The following CPNE4 variants were observed in gnomAD, a reference collection of about 807,000 sequenced individuals.
CPNE4 encodes copine 4.
A neutral mutation model predicts 67.9 loss-of-function variants in CPNE4; 25 were observed. The observed-to-expected ratio is 0.37, with a 90% CI of 0.27 to 0.51. The LOEUF (loss-of-function observed/expected upper bound fraction) is 0.51. Among genes scored for constraint, CPNE4 ranks in the 20% least tolerant of loss-of-function variants. CPNE4 has a pLI of 0.93. For missense variants in CPNE4, 464 were observed against 690.8 expected (o/e 0.67, Z 3.68); for synonymous variants, 242 against 244.9 (o/e 0.99, Z 0.11).
At chr3:131,868,321 A>G (rs2087047040) in intron 2 of CPNE4, among the ~76,000 whole-genome samples, 1 of 152,184 alleles carries the variant, frequency 6.6e-6, no homozygotes, top group Non-Finnish European at 1.5e-5. Flanking sequence ...AAAGGCCCTT[A>G]AAGAGAGGCA....
intron 2 of CPNE4, among the ~76,000 whole-genome samples, chr3:131,846,390 T>G (rs1355333171): frequency 6.6e-6 from 1 of 152,208 alleles, no homozygotes; most frequent in Non-Finnish European, 1.5e-5. Flanking sequence ...ATTCCCTGCA[T>G]GTCCAACTAC....
chr3:131,728,258 CAT>C (rs2082043758), intron 2 of CPNE4, among the ~76,000 whole-genome samples: 1 of 152,120 alleles, frequency 6.6e-6, no homozygotes, highest in Non-Finnish European at 1.5e-5. Flanking sequence ...ACTCTGTTTT[CAT>C]TCTTATAACA....
intron 8 of CPNE4, among the ~76,000 whole-genome samples, chr3:131,584,602 T>C (rs1938054940): frequency 6.6e-6 from 1 of 152,086 alleles, no homozygotes; most frequent in Admixed American, 6.6e-5. Flanking sequence ...TGTCTCTCTT[T>C]AATTATCTAC....
intron 7 of CPNE4, among the ~76,000 whole-genome samples, chr3:131,646,456 G>A (rs2079666814): frequency 6.6e-6 from 1 of 152,108 alleles, no homozygotes; most frequent in Non-Finnish European, 1.5e-5. Flanking sequence ...ACACAAGGTT[G>A]AATTCTGTCC....
At chr3:131,917,310 A>G (rs2070584623) in intron 1 of CPNE4, among the ~76,000 whole-genome samples, 1 of 152,226 alleles carries the variant, frequency 6.6e-6, no homozygotes, top group South Asian at 2.1e-4. Flanking sequence ...GATGAAAACA[A>G]AGAAGAGACT....
chr3:131,869,854 G>A (rs762264767), intron 2 of CPNE4, among the ~76,000 whole-genome samples: 1 of 152,166 alleles, frequency 6.6e-6, no homozygotes, highest in Non-Finnish European at 1.5e-5. Flanking sequence ...GTTTGGCACT[G>A]TAAGTACCAC....
chr3:131,539,321 T>C (rs1256690339), intron 15 of CPNE4, among the ~76,000 whole-genome samples: 1 of 152,176 alleles, frequency 6.6e-6, no homozygotes, highest in Non-Finnish European at 1.5e-5. Flanking sequence ...GTTGACAATG[T>C]CCCCAAAATT....
At chr3:131,970,429 C>T (rs2072471371) in intron 1 of CPNE4, among the ~76,000 whole-genome samples, 1 of 152,206 alleles carries the variant, frequency 6.6e-6, no homozygotes, top group South Asian at 2.1e-4. Flanking sequence ...CATTAAGTCT[C>T]ATTAGCTGCA....
intron 1 of CPNE4, among the ~76,000 whole-genome samples, chr3:131,975,124 T>C (rs185049120): frequency 3.1e-3 from 467 of 152,262 alleles, no homozygotes; most frequent in Non-Finnish European, 4.6e-3. Context: ...CAAATTGAGA[T>C]TGCAGCCTCA....
At chr3:131,650,057 G>A (rs994055196) in intron 7 of CPNE4, among the ~76,000 whole-genome samples, 3 of 152,124 alleles carry the variant, frequency 2.0e-5, no homozygotes, top group Admixed American at 6.5e-5. Flanking sequence ...GAAGACAGAC[G>A]CTGAGAGACA....
chr3:131,998,771 T>C (rs1225987627), intron 1 of CPNE4, among the ~76,000 whole-genome samples: 1 of 152,088 alleles, frequency 6.6e-6, no homozygotes, highest in Non-Finnish European at 1.5e-5. Context: ...CATTCTTTAT[T>C]TGCTTCCTTA....
intron 2 of CPNE4, among the ~76,000 whole-genome samples, chr3:131,804,108 G>C (rs941383064): frequency 4.6e-5 from 7 of 151,934 alleles, no homozygotes; most frequent in African/African-American, 1.7e-4. Flanking sequence ...GAGTTAAAGG[G>C]GTTAGTTGAA....
At chr3:131,883,604 A>G (rs2087762632) in intron 2 of CPNE4, among the ~76,000 whole-genome samples, 1 of 152,206 alleles carries the variant, frequency 6.6e-6, no homozygotes, top group Admixed American at 6.5e-5. Context: ...CATTGCCTAA[A>G]AAGCCCTACA....
At chr3:131,746,097 G>A (rs1218905417) in intron 2 of CPNE4, among the ~76,000 whole-genome samples, 1 of 151,850 alleles carries the variant, frequency 6.6e-6, no homozygotes, top group African/African-American at 2.4e-5. Context: ...TTCTGTATAT[G>A]TTTTCTTAGA....
chr3:131,767,624 C>T (rs9828720), intron 2 of CPNE4, among the ~76,000 whole-genome samples: 29,616 of 151,864 alleles, frequency 0.2, 3,547 homozygotes, highest in Non-Finnish European at 0.26. Context: ...AAAGCCCCAG[C>T]CACAATTTTT....
intron 7 of CPNE4, among the ~76,000 whole-genome samples, chr3:131,669,205 G>A (rs1263597388): frequency 1.3e-5 from 2 of 151,996 alleles, no homozygotes; most frequent in East Asian, 3.9e-4. Flanking sequence ...TTGGGTAGCT[G>A]ACCACAAATG....
At chr3:131,644,139 T>G (rs1018632331) in intron 7 of CPNE4, among the ~76,000 whole-genome samples, 2 of 150,904 alleles carry the variant, frequency 1.3e-5, no homozygotes, top group African/African-American at 2.5e-5. Context: ...GGAGCTTGAC[T>G]GAGAATTTAC....
At chr3:131,599,340 T>C (rs1010785690) in intron 7 of CPNE4, among the ~76,000 whole-genome samples, 2 of 152,204 alleles carry the variant, frequency 1.3e-5, no homozygotes, top group East Asian at 1.9e-4. Context: ...TTCCCTTGAT[T>C]ATTGTCCCTT....
At chr3:131,773,182 G>T (rs1357889209) in intron 2 of CPNE4, among the ~76,000 whole-genome samples, 1 of 151,938 alleles carries the variant, frequency 6.6e-6, no homozygotes, top group Non-Finnish European at 1.5e-5. Flanking sequence ...AACTAGCCAC[G>T]GTTTGTTAGG....
Sources: gnomAD v4.1 joint callset for allele counts (sites outside exome capture counted in the v4.1 genomes callset) on GRCh38, gnomAD v4.1.1 for gene constraint, MANE v1.5 for transcripts, NCBI Gene and HGNC (gene_info 2026-07-23, HGNC 2026-07-21) for gene names.